The following ZNF182 variants were observed in gnomAD, a reference collection of about 807,000 sequenced individuals.
The protein encoded by ZNF182 is zinc finger protein 21 (KOX 14).
Under a neutral mutation model 28.1 loss-of-function variants are expected in ZNF182, and 10 were observed. The ratio of observed to expected loss-of-function variants is 0.36; its 90% CI spans 0.22 to 0.60. The LOEUF is 0.60. ZNF182 is among the 20% of genes least tolerant of loss of function. ZNF182 has a pLI of 0.75. For missense variants in ZNF182, 352 were observed against 453.2 expected (o/e 0.78, Z 2.03); for synonymous variants, 156 against 158.7 (o/e 0.98, Z 0.13).
At chrX:48,002,692 C>T in intron 2 of ZNF182, 39 bp from the exon 3 acceptor site, 1 of 1,132,126 alleles carries the variant, frequency 8.8e-7, no homozygotes, top group South Asian at 1.9e-5. Flanking sequence ...ATGAGGAGAC[C>T]CCATCAGACT....
At position 47,975,747 on chromosome X, in the gene ZNF182, A is replaced by G. The variant is rs1261332490; in HGVS notation, c.*420T>C. 3 of 117,598 alleles carry G rather than the reference A, an allele frequency of 2.6e-5. No homozygotes were observed. The highest frequency in any genetic ancestry group is 9.7e-5 in the African/African-American group (3 of 30,828). The allele number at this position is 117,598 out of a possible 1,213,427, so 9.7% of individuals were successfully genotyped here. A position where few individuals can be genotyped will look rare whatever the true frequency, so the allele number is the denominator to read the frequency against. ...GAGGCCCCAGCCTGTTTCTCCTCAG[A>G]CCCCAAATGGTCTAGGAAACATCCT... On this transcript the variant is annotated 3_prime_UTR_variant, in exon 6 of 6. Transcript: ENST00000376943.
intron 5 of ZNF182, among the ~76,000 whole-genome samples, chrX:47,979,850 T>G (rs2058898161): frequency 1.0e-5 from 1 of 97,395 alleles, no homozygotes; most frequent in African/African-American, 3.7e-5. Context: ...CTGAAGGGTT[T>G]TTAAAGTGTG....
rs1603223329 is a variant in ZNF182, at chrX:47,977,416, T to C, written c.614A>G (p.His205Arg). ...GLRRKKGLSL[H>R]QRIKNGEKPF... ...TTTCTCTCCATTTTTAATTCTCTGATGTAGACTAAGGCCTTTCTTTCGCCT... is the reference window on the plus strand; with the variant it reads ...TTTCTCTCCATTTTTAATTCTCTGACGTAGACTAAGGCCTTTCTTTCGCCT... The change falls in exon 6 of 6, where the codon CAT becomes CGT. Residue 205 changes from histidine to arginine, a missense_variant. His to Arg is a conservative substitution (Grantham distance 29). Transcript: ENST00000376943. 8.3e-7 allele frequency: 1 copy of C among 1,209,639 alleles called. No individual in the cohort carries two copies. The highest frequency in any genetic ancestry group is 1.1e-6 in the Non-Finnish European group (1 of 894,985).
At chrX:47,991,311 AC>A (rs2058940725) in intron 3 of ZNF182, among the ~76,000 whole-genome samples, 1 of 111,443 alleles carries the variant, frequency 9.0e-6, no homozygotes, top group Non-Finnish European at 1.9e-5. Flanking sequence ...CCAGAAGCCA[AC>A]CCTACTGGTG....
intron 3 of ZNF182, chrX:47,988,453 G>A: frequency 5.2e-6 from 2 of 381,796 alleles, no homozygotes; most frequent in Non-Finnish European, 4.8e-6. Flanking sequence ...TTGTTCAGAC[G>A]AGATCCGGTT....
rs1214507254 is a variant in ZNF182, at chrX:47,983,358, C to T, written c.69G>A (p.Gln23=). The change falls in exon 4 of 6, where the codon CAG becomes CAA. Residue 23 remains glutamine (Q), a synonymous_variant. Transcript: ENST00000376943. ...GGGTCCTCTGTGGTGGGTTCAGGTACTGCCACTCCTCCTGGGTGAAATCCA... is the reference window on the plus strand; with the variant it reads ...GGGTCCTCTGTGGTGGGTTCAGGTATTGCCACTCCTCCTGGGTGAAATCCA... ...VAVDFTQEEW[Q]YLNPPQRTLY... The T allele has an allele frequency of 3.3e-6, 4 of 1,209,025 alleles. No homozygotes were observed. The highest frequency in any genetic ancestry group is 2.2e-5 in the Admixed American group (1 of 45,590).
Position 48,000,426 on chromosome X carries a change from G to A in ZNF182, c.15+2169C>T, listed in dbSNP as rs1481612144. 2.7e-5 allele frequency among the ~76,000 whole-genome samples: 3 copies of A among 110,825 alleles called. No individual in the cohort carries two copies. In the East Asian group the frequency reaches 8.5e-4, roughly 31 times the overall value. On this transcript the variant is annotated intron_variant, in intron 3 of 5. Transcript: ENST00000376943. ...AGAATATAAAAATTAGCCAGGTGTA[G>A]TGGCACATGCCTGTAGTCCCAGCTA...
intron 3 of ZNF182, among the ~76,000 whole-genome samples, chrX:47,984,607 A>G: frequency 1.8e-5 from 2 of 111,703 alleles, no homozygotes; most frequent in Admixed American, 1.9e-4. Context: ...CATGTTGTGA[A>G]GCAGGTTCAC....
At chrX:47,996,733 C>A (rs2058959581) in intron 3 of ZNF182, among the ~76,000 whole-genome samples, 1 of 111,630 alleles carries the variant, frequency 9.0e-6, no homozygotes, top group Non-Finnish European at 1.9e-5. Context: ...TAAATGAGGT[C>A]ATAAGGGTGG....
rs1457340313 is a variant in ZNF182 at position 47,977,228 on chromosome X, C to G, written c.802G>C (p.Glu268Gln). ...LIIHLRTHTG[E>Q]RPFECPECGK... The stretch of plus-strand genomic sequence containing the variant: ...CATTCAGGACACTCAAAGGGTCTCT[C>G]TCCTGTATGAGTTCGCAAGTGTATA... The change falls in exon 6 of 6, where the codon GAG becomes CAG. Residue 268 changes from glutamate to glutamine, a missense_variant. Coordinates refer to ENST00000376943, the MANE Select transcript of ZNF182 (RefSeq NM_001007088.2). 2 of 1,207,337 alleles carry G rather than the reference C, an allele frequency of 1.7e-6. No homozygotes were observed. Among genetic ancestry groups the G allele is most frequent in the Non-Finnish European group, 2.2e-6 (2 of 894,389 alleles).
At chrX:47,983,883 A>G (rs1443656990) in intron 3 of ZNF182, among the ~76,000 whole-genome samples, 3 of 112,018 alleles carry the variant, frequency 2.7e-5, no homozygotes, top group Non-Finnish European at 5.6e-5. Context: ...TAATACAGGA[A>G]AATGTTTTCA....
intron 3 of ZNF182, among the ~76,000 whole-genome samples, chrX:47,987,085 A>T (rs1404425708): frequency 5.4e-5 from 6 of 111,737 alleles, no homozygotes; most frequent in Non-Finnish European, 1.1e-4. Context: ...TCATATATTC[A>T]TCTATCCTAT....
rs184899206 is a variant in ZNF182, at chrX:47,979,812, G to A, written c.233-2015C>T. 3.6e-5 allele frequency among the ~76,000 whole-genome samples: 4 copies of A among 110,136 alleles called. No homozygotes were observed. The East Asian group carries it at 1.1e-3, about 32-fold the overall frequency. On this transcript the variant is annotated intron_variant, in intron 5 of 5. Coordinates refer to ENST00000376943, the MANE Select transcript of ZNF182 (RefSeq NM_001007088.2). ...AAGGGAAAAACTGGGTGATGCTGGA[G>A]GTTATTTTGAGCCATAGGAGAGGGA...
intron 3 of ZNF182, among the ~76,000 whole-genome samples, chrX:47,997,794 A>G (rs2058964429): frequency 9.0e-6 from 1 of 111,419 alleles, no homozygotes; most frequent in Admixed American, 9.5e-5. Flanking sequence ...TCCATCTCAA[A>G]AAAAAGAATT....
chrX:47,997,969 T>C (rs2058964853), intron 3 of ZNF182, among the ~76,000 whole-genome samples: 1 of 111,418 alleles, frequency 9.0e-6, no homozygotes, highest in South Asian at 3.8e-4. Context: ...ATAGAACCAG[T>C]AGACAGAAAA....
chrX:47,983,504 C>A, intron 3 of ZNF182, 93 bp from the exon 4 acceptor site: 1 of 971,239 alleles, frequency 1.0e-6, no homozygotes, highest in Middle Eastern at 2.8e-4. Context: ...CCTGGTTCAT[C>A]ATGATGACTC....
At chrX:47,979,866 G>GGGTGTGTGT (rs372734413) in intron 5 of ZNF182, among the ~76,000 whole-genome samples, 1 of 89,759 alleles carries the variant, frequency 1.1e-5, no homozygotes, top group African/African-American at 4.1e-5. Flanking sequence ...GTGTGTGTGG[G>GGGTGTGTGT]GTGTGTGTGT....
Position 47,977,146 on chromosome X carries a change from C to A in ZNF182, c.884G>T (p.Gly295Val). ...TTCATTACATTCATAAGGTTTTTCT[C>A]CTGTGTGAGTCCTGTAATGTATGAT... ...TVIIHYRTHT[G>V]EKPYECNECG... Residue 295 changes from glycine to valine, a missense_variant, in exon 6 of 6, where the codon GGA becomes GTA. Gly to Val is a moderately radical substitution (Grantham distance 109). Transcript: ENST00000376943. 8.3e-7 allele frequency: 1 copy of A among 1,209,554 alleles called. No homozygotes were observed. Among genetic ancestry groups the A allele is most frequent in the Non-Finnish European group, 1.1e-6 (1 of 894,765 alleles).
intron 3 of ZNF182, among the ~76,000 whole-genome samples, chrX:47,990,549 G>A (rs2146467318): frequency 8.9e-6 from 1 of 111,882 alleles, no homozygotes; most frequent in Non-Finnish European, 1.9e-5. Flanking sequence ...TGTGGGAAAA[G>A]GTCAAAAATT....
Sources: gnomAD v4.1 joint callset for allele counts (sites outside exome capture counted in the v4.1 genomes callset) on GRCh38, gnomAD v4.1.1 for gene constraint, MANE v1.5 for transcripts, NCBI Gene and HGNC (gene_info 2026-07-23, HGNC 2026-07-21) for gene names.